TEKTL1: variants seen among roughly 807,000 people sequenced by gnomAD.
TEKTL1 encodes the protein tektin like 1.
At chr19:15,019,209 A>G in the TEKTL1 span, among the ~76,000 whole-genome samples, 346 of 152,272 alleles carry the variant, frequency 2.3e-3, 6 homozygotes, top group African/African-American at 7.9e-3. Context: ...TTGGCCTCCC[A>G]AAGTGCTGGA....
the TEKTL1 span, chr19:15,020,483 C>T: frequency 6.2e-7 from 1 of 1,613,504 alleles, no homozygotes; most frequent in Non-Finnish European, 8.5e-7. Flanking sequence ...TGCCGAGACA[C>T]TCTGAACTTC....
chr19:15,021,015 G>A, the TEKTL1 span, among the ~76,000 whole-genome samples: 1 of 151,908 alleles, frequency 6.6e-6, no homozygotes, highest in Non-Finnish European at 1.5e-5. Flanking sequence ...GAGCAGCTGG[G>A]ATTACAGGCG....
the TEKTL1 span, chr19:15,021,312 G>C: frequency 1.9e-6 from 3 of 1,604,794 alleles, no homozygotes; most frequent in South Asian, 1.1e-5. Context: ...CTCTGGGAAC[G>C]GAGGACTTGG....
chr19:15,018,793 A>G, the TEKTL1 span, among the ~76,000 whole-genome samples: 2 of 145,006 alleles, frequency 1.4e-5, no homozygotes, highest in Admixed American at 1.4e-4. Flanking sequence ...ATGTAAGCAG[A>G]ATTGCCTGAC....
chr19:15,015,085 G>A, the TEKTL1 span, among the ~76,000 whole-genome samples: 1 of 152,158 alleles, frequency 6.6e-6, no homozygotes, highest in Non-Finnish European at 1.5e-5. Flanking sequence ...TATTCAGGAG[G>A]CTGAGGGAGG....
At chr19:15,023,089 G>T in the TEKTL1 span, 2 of 1,607,854 alleles carry the variant, frequency 1.2e-6, no homozygotes, top group Middle Eastern at 3.3e-4. Context: ...GCACGCCGCC[G>T]CCGCGCAGCA....
the TEKTL1 span, among the ~76,000 whole-genome samples, chr19:15,013,446 C>T: frequency 6.6e-6 from 1 of 152,084 alleles, no homozygotes. Flanking sequence ...AGAGACGCCC[C>T]CAACCTCAAG....
the TEKTL1 span, chr19:15,021,807 G>C: frequency 2.5e-6 from 4 of 1,613,986 alleles, no homozygotes; most frequent in Non-Finnish European, 3.4e-6. Context: ...CCCCACCAGG[G>C]TCCTCTGTCG....
At chr19:15,017,481 C>T in the TEKTL1 span, among the ~76,000 whole-genome samples, 80 of 152,010 alleles carry the variant, frequency 5.3e-4, no homozygotes, top group Admixed American at 2.0e-3. Flanking sequence ...ATTTCGATGG[C>T]GGGATGCTGT....
At chr19:15,017,624 G>C in the TEKTL1 span, among the ~76,000 whole-genome samples, 122,243 of 151,934 alleles carry the variant, frequency 0.8, 49,759 homozygotes, top group South Asian at 0.87. Context: ...GAATCAAGGG[G>C]GTGACACAGG....
the TEKTL1 span, chr19:15,010,997 G>C: frequency 1.9e-6 from 3 of 1,591,118 alleles, no homozygotes; most frequent in South Asian, 1.1e-5. Flanking sequence ...GGACCCGAAC[G>C]TGGCCCACCA....
chr19:15,019,043 G>T, the TEKTL1 span, among the ~76,000 whole-genome samples: 1 of 151,858 alleles, frequency 6.6e-6, no homozygotes, highest in African/African-American at 2.4e-5. Flanking sequence ...CAACCTCCTG[G>T]GCTCAGGTGA....
At chr19:15,016,370 A>G in the TEKTL1 span, among the ~76,000 whole-genome samples, 1 of 151,594 alleles carries the variant, frequency 6.6e-6, no homozygotes, top group Non-Finnish European at 1.5e-5. Flanking sequence ...TTGTATTTTT[A>G]GTAGAGACGT....
chr19:15,011,234 G>T, the TEKTL1 span: 1 of 1,484,742 alleles, frequency 6.7e-7, no homozygotes. Context: ...GCGCCTCACC[G>T]CCGCCCGCCT....
At chr19:15,012,844 C>T in the TEKTL1 span, among the ~76,000 whole-genome samples, 506 of 152,182 alleles carry the variant, frequency 3.3e-3, 4 homozygotes, top group Non-Finnish European at 5.2e-3. Context: ...GTGAGACCCT[C>T]AGTGCCCCAG....
the TEKTL1 span, chr19:15,023,014 G>C: frequency 6.2e-7 from 1 of 1,612,850 alleles, no homozygotes; most frequent in Non-Finnish European, 8.5e-7. Context: ...GCCTGCGCCT[G>C]CGCCAGCGGC....
chr19:15,014,351 C>G, the TEKTL1 span, among the ~76,000 whole-genome samples: 2 of 152,168 alleles, frequency 1.3e-5, no homozygotes, highest in Non-Finnish European at 2.9e-5. Context: ...TTGATAAATA[C>G]TAATCTGGTA....
the TEKTL1 span, among the ~76,000 whole-genome samples, chr19:15,014,731 CGGGGGGCGG>C: frequency 4.2e-4 from 5 of 11,778 alleles, no homozygotes; most frequent in African/African-American, 1.8e-3. Context: ...AGTGGGGGGG[CGGGGGGCGG>C]GGGCTGCTGA....
chr19:15,021,764 G>A, the TEKTL1 span: 1 of 1,611,510 alleles, frequency 6.2e-7, no homozygotes. Context: ...GCCGGTGGCT[G>A]GAGGCTGGGT....
Sources: gnomAD v4.1 joint callset for allele counts (sites outside exome capture counted in the v4.1 genomes callset) on GRCh38, gnomAD v4.1.1 for gene constraint, MANE v1.5 for transcripts, NCBI Gene and HGNC (gene_info 2026-07-23, HGNC 2026-07-21) for gene names.